Variants in TENM2 observed in about 807,000 individuals in gnomAD.
The protein encoded by TENM2 is teneurin-2.
Under a neutral mutation model 245.2 loss-of-function variants are expected in TENM2, and 52 were observed. That is an observed-to-expected ratio of 0.21 (90% CI 0.17 to 0.27). TENM2 has a LOEUF of 0.27. Among genes scored for constraint, TENM2 ranks in the 10% least tolerant of loss-of-function variants. The pLI is 1.00. For synonymous variants in TENM2, 1,363 were observed against 1,438.9 expected, an observed-to-expected ratio of 0.95 and a Z score of 1.19; for missense variants, 3,046 against 3,666.8, an observed-to-expected ratio of 0.83 and a Z score of 4.37.
chr5:168,165,647 AACCCCCCCCCCCCCCC>A (rs1758188918), intron 13 of TENM2, among the ~76,000 whole-genome samples: 12 of 15,908 alleles, frequency 7.5e-4, no homozygotes, highest in African/African-American at 2.5e-3. Context: ...TCCCCCCCCC[AACCCCCCCCCCCCCCC>A]CGGCTGGCAG....
chr5:167,710,325 A>T (rs754300417), intron 2 of TENM2, among the ~76,000 whole-genome samples: 1 of 146,864 alleles, frequency 6.8e-6, no homozygotes, highest in Non-Finnish European at 1.5e-5. Context: ...CCTTATTTTT[A>T]AGTGACTTTC....
intron 7 of TENM2, among the ~76,000 whole-genome samples, chr5:168,077,926 C>T (rs1791627383): frequency 1.3e-5 from 2 of 152,166 alleles, no homozygotes; most frequent in Admixed American, 6.6e-5. Context: ...GATTTATAAT[C>T]CTTTGGGTAT....
At chr5:167,347,009 A>G (rs1758500483) in intron 1 of TENM2, among the ~76,000 whole-genome samples, 1 of 151,962 alleles carries the variant, frequency 6.6e-6, no homozygotes, top group Admixed American at 6.6e-5. Context: ...CCCGAGCTGA[A>G]GTAATCCGGA....
chr5:166,999,907 A>T, the TENM2 span, among the ~76,000 whole-genome samples: 1 of 152,150 alleles, frequency 6.6e-6, no homozygotes, highest in African/African-American at 2.4e-5. Context: ...TGGAGATGGA[A>T]CACTGGAAAA....
chr5:167,674,458 A>AT (rs1175530398), intron 2 of TENM2, among the ~76,000 whole-genome samples: 2 of 152,038 alleles, frequency 1.3e-5, no homozygotes, highest in African/African-American at 2.4e-5. Flanking sequence ...ACAAATTCAC[A>AT]TTTTTTCCCA....
At chr5:167,231,417 A>G in the TENM2 span, among the ~76,000 whole-genome samples, 1 of 152,192 alleles carries the variant, frequency 6.6e-6, no homozygotes, top group Admixed American at 6.5e-5. Context: ...ACATGGAAAT[A>G]AGGAACTTGT....
intron 13 of TENM2, among the ~76,000 whole-genome samples, chr5:168,188,001 C>G (rs1022414539): frequency 1.3e-5 from 2 of 152,170 alleles, no homozygotes; most frequent in African/African-American, 4.8e-5. Context: ...ACATGAGCAA[C>G]ATTTGCCCAT....
rs908461587 is a variant in TENM2 at position 167,900,252 on chromosome 5, A to G, written c.712+24057A>G. Among the ~76,000 whole-genome samples, 10 of 151,894 alleles carry G rather than the reference A, an allele frequency of 6.6e-5. No individual in the cohort carries two copies. In the South Asian group the frequency reaches 1.9e-3, roughly 28 times the overall value. ...CTTAGATGAGAGAAGCTGGTGAGCT[A>G]TGAAACAGCATTGGGACTTCTCTTG... On this transcript the variant is annotated intron_variant, in intron 3 of 28. Coordinates refer to ENST00000518659, the Ensembl canonical transcript of TENM2.
intron 13 of TENM2, among the ~76,000 whole-genome samples, chr5:168,166,591 C>G (rs1758327839): frequency 6.6e-6 from 1 of 152,188 alleles, no homozygotes; most frequent in African/African-American, 2.4e-5. Context: ...GCTCCTGATT[C>G]TCTAAGTCTG....
intron 3 of TENM2, among the ~76,000 whole-genome samples, chr5:167,882,784 G>A (rs1773983530): frequency 6.6e-6 from 1 of 152,128 alleles, no homozygotes; most frequent in South Asian, 2.1e-4. Context: ...TTGACATGTG[G>A]GGATTATGGG....
intron 6 of TENM2, 81 bp from the exon 9 acceptor site, chr5:168,061,979 C>A (rs1790078248): frequency 7.9e-7 from 1 of 1,269,198 alleles, no homozygotes; most frequent in Non-Finnish European, 1.1e-6. Flanking sequence ...AAAAAAAAAC[C>A]TGGCATGTAA....
chr5:167,454,646 T>A (rs565716095), intron 2 of TENM2, among the ~76,000 whole-genome samples: 1 of 152,146 alleles, frequency 6.6e-6, no homozygotes, highest in Non-Finnish European at 1.5e-5. Context: ...CCCTGCCCCA[T>A]CTCTTTCCCA....
At chr5:167,930,759 ATTTT>A (rs564465023) in intron 3 of TENM2, among the ~76,000 whole-genome samples, 22 of 145,790 alleles carry the variant, frequency 1.5e-4, no homozygotes, top group South Asian at 1.1e-3. Flanking sequence ...AAAGAAGAGA[ATTTT>A]TTTTTTTTAA....
chr5:167,738,706 T>A (rs1202777036), intron 2 of TENM2, among the ~76,000 whole-genome samples: 1 of 151,950 alleles, frequency 6.6e-6, no homozygotes. Context: ...GCAGGTGTGG[T>A]TTTTCCTGAG....
intron 2 of TENM2, among the ~76,000 whole-genome samples, chr5:167,575,788 C>T (rs1432199011): frequency 6.6e-6 from 1 of 152,184 alleles, no homozygotes; most frequent in African/African-American, 2.4e-5. Context: ...CTGGTGGTAG[C>T]ATAGTGAGTT....
At position 167,969,673 on chromosome 5, in the gene TENM2, C is replaced by T. The variant is rs548044255; in HGVS notation, c.947+16851C>T. On this transcript the variant is annotated intron_variant, in intron 4 of 28. Transcript: ENST00000518659. Reference sequence around the variant, plus strand: ...AGCCTTGCACTTCTTTACTTTCTACCATCGCTGTTATGTAGGCCTCCTCTT... The same window carrying T: ...AGCCTTGCACTTCTTTACTTTCTACTATCGCTGTTATGTAGGCCTCCTCTT... Among the ~76,000 whole-genome samples, 17 of 152,298 alleles carry T rather than the reference C, an allele frequency of 1.1e-4. No individual in the cohort carries two copies. In the South Asian group the frequency reaches 3.5e-3, roughly 32 times the overall value.
chr5:168,152,124 T>C (rs1313886368), intron 12 of TENM2, among the ~76,000 whole-genome samples: 1 of 152,232 alleles, frequency 6.6e-6, no homozygotes, highest in Non-Finnish European at 1.5e-5. Flanking sequence ...ACAGGAATAA[T>C]CGTTGTACCT....
At chr5:167,790,865 G>T (rs1288225635) in intron 2 of TENM2, among the ~76,000 whole-genome samples, 1 of 152,148 alleles carries the variant, frequency 6.6e-6, no homozygotes, top group Non-Finnish European at 1.5e-5. Flanking sequence ...TCCATCAAAT[G>T]CTTTCTACAT....
intron 2 of TENM2, among the ~76,000 whole-genome samples, chr5:167,643,106 T>A (rs1202153764): frequency 6.6e-6 from 1 of 152,188 alleles, no homozygotes; most frequent in Non-Finnish European, 1.5e-5. Context: ...TTTCTAACAG[T>A]TTTATAGAGG....
Sources: gnomAD v4.1 joint callset for allele counts (sites outside exome capture counted in the v4.1 genomes callset) on GRCh38, gnomAD v4.1.1 for gene constraint, MANE v1.5 for transcripts, NCBI Gene and HGNC (gene_info 2026-07-23, HGNC 2026-07-21) for gene names.